The following SERPINA12 variants were observed in gnomAD, a reference collection of about 807,000 sequenced individuals.
The protein encoded by SERPINA12 is serpin family A member 12.
A neutral mutation model predicts 25.9 loss-of-function variants in SERPINA12; 21 were observed. The ratio of observed to expected loss-of-function variants is 0.81; its 90% confidence interval spans 0.58 to 1.17. SERPINA12 has a LOEUF of 1.17. Ranked by LOEUF, SERPINA12 falls within the 50% of genes most tolerant of loss-of-function variation. The pLI is 0.00. For synonymous variants in SERPINA12, 220 were observed against 196.0 expected, an observed-to-expected ratio of 1.12 and a Z score of -1.02; for missense variants, 562 against 508.3, an observed-to-expected ratio of 1.11 and a Z score of -1.02.
chr14:94,517,763 T>C (rs1901272025), exon 1 of SERPINA12: 1 of 152,296 alleles, frequency 6.6e-6, no homozygotes, highest in Admixed American at 6.5e-5. Context: ...CTGTTTTGCT[T>C]CTTGCCATGT....
At chr14:94,489,545 T>C (rs1487700970) in intron 4 of SERPINA12, 75 bp downstream of exon 4, 1 of 1,532,318 alleles carries the variant, frequency 6.5e-7, no homozygotes, top group African/African-American at 1.4e-5. Flanking sequence ...ACAGCCACTG[T>C]GACCCTGGCT....
intron 3 of SERPINA12, among the ~76,000 whole-genome samples, chr14:94,493,371 A>G (rs1034578573): frequency 1.3e-5 from 2 of 152,254 alleles, no homozygotes; most frequent in African/African-American, 4.8e-5. Flanking sequence ...CCAAGGCCAG[A>G]AGTGACTGGG....
chr14:94,508,391 GA>G (rs1431213440), intron 1 of SERPINA12, among the ~76,000 whole-genome samples: 19 of 1,086 alleles, frequency 0.017, no homozygotes, highest in Middle Eastern at 0.17. Context: ...GAGAGAAATA[GA>G]AAATTTAGAA....
intron 1 of SERPINA12, among the ~76,000 whole-genome samples, chr14:94,516,850 G>A (rs756021234): frequency 1.6e-4 from 24 of 152,340 alleles, no homozygotes; most frequent in Non-Finnish European, 3.1e-4. Flanking sequence ...GGTCAGGGTA[G>A]AACAGGTGAT....
chr14:94,491,593 G>A (rs1162902872), intron 3 of SERPINA12, among the ~76,000 whole-genome samples: 1 of 152,064 alleles, frequency 6.6e-6, no homozygotes, highest in African/African-American at 2.4e-5. Flanking sequence ...CAGAGACGGC[G>A]GAAAGATACC....
chr14:94,503,644 A>G (rs139873051), intron 1 of SERPINA12, among the ~76,000 whole-genome samples: 10 of 152,346 alleles, frequency 6.6e-5, no homozygotes, highest in South Asian at 2.1e-4. Flanking sequence ...CCCAGAGTGG[A>G]CAAAGGAAGA....
At chr14:94,512,153 C>T (rs1901127445), upstream of SERPINA12, among the ~76,000 whole-genome samples, 1 of 152,118 alleles carries the variant, frequency 6.6e-6, no homozygotes, top group Non-Finnish European at 1.5e-5. Flanking sequence ...ACACCACTTG[C>T]ACCCACGAGA....
chr14:94,509,868 A>G (rs1901062968), upstream of SERPINA12: 2 of 535,486 alleles, frequency 3.7e-6, no homozygotes, highest in South Asian at 1.6e-4. Context: ...ATCATCTTTG[A>G]GCAGAATCGT....
intron 1 of SERPINA12, among the ~76,000 whole-genome samples, chr14:94,505,538 T>A (rs912129405): frequency 6.6e-6 from 1 of 152,326 alleles, no homozygotes; most frequent in South Asian, 2.1e-4. Flanking sequence ...AAGGACAGGC[T>A]GAGACCAAGG....
At chr14:94,497,485 A>T (rs1302632890) in intron 2 of SERPINA12, among the ~76,000 whole-genome samples, 2 of 152,238 alleles carry the variant, frequency 1.3e-5, no homozygotes, top group Non-Finnish European at 2.9e-5. Flanking sequence ...ACAAAATGTC[A>T]TTCCAACCTC....
chr14:94,502,905 C>G (rs577810173), intron 1 of SERPINA12, among the ~76,000 whole-genome samples: 2 of 152,230 alleles, frequency 1.3e-5, no homozygotes, highest in Non-Finnish European at 2.9e-5. Context: ...AACCCCAGGC[C>G]CTCTGAGATG....
rs775357079 is a variant in SERPINA12, at chr14:94,497,861, G to T, written c.537C>A (p.Asp179Glu). The T allele has an allele frequency of 1.2e-6, 2 of 1,613,996 alleles. No individual in the cohort carries two copies. The highest frequency in any genetic ancestry group is 1.3e-5 in the African/African-American group (1 of 74,906). Reference protein sequence around the residue: ...NLEMAQKQINDFISQKTHGKI... With the variant: ...NLEMAQKQINEFISQKTHGKI... ...TCCCATGGGTTTTTTGACTGATAAAGTCATTGATCTGCTTCTGAGCCATTT... is the reference window on the plus strand; with the variant it reads ...TCCCATGGGTTTTTTGACTGATAAATTCATTGATCTGCTTCTGAGCCATTT... Residue 179 changes from aspartate (D) to glutamate (E), a missense_variant, in exon 2 of 5, where the codon GAC (aspartate) becomes GAA (glutamate). Physicochemically the swap from Asp to Glu is conservative, Grantham distance 45. Coordinates refer to ENST00000677451, the MANE Select transcript of SERPINA12 (RefSeq NM_001382267.1).
chr14:94,492,784 A>G (rs117520362), intron 3 of SERPINA12, among the ~76,000 whole-genome samples: 11,925 of 152,206 alleles, frequency 0.078, 584 homozygotes, highest in Middle Eastern at 0.12. Flanking sequence ...CTGGGAGTGG[A>G]CCCTCGACAC....
At chr14:94,488,876 C>T (rs1286086836) in intron 4 of SERPINA12, among the ~76,000 whole-genome samples, 1 of 152,164 alleles carries the variant, frequency 6.6e-6, no homozygotes, top group African/African-American at 2.4e-5. Context: ...GGGTGGATGA[C>T]CTGAGGTCAG....
At chr14:94,490,619 C>T (rs1200696095) in intron 3 of SERPINA12, among the ~76,000 whole-genome samples, 1 of 152,104 alleles carries the variant, frequency 6.6e-6, no homozygotes, top group African/African-American at 2.4e-5. Flanking sequence ...AGAGATCTCT[C>T]TTGGCCCTGA....
At chr14:94,503,122 T>A (rs1029404639) in intron 1 of SERPINA12, 2 of 878,348 alleles carry the variant, frequency 2.3e-6, no homozygotes, top group Non-Finnish European at 2.7e-6. Flanking sequence ...AGGACTGATA[T>A]TGCTTTAAGA....
rs770806800 is a variant in SERPINA12, at chr14:94,498,240, A to G, written c.158T>C (p.Met53Thr). Residue 53 changes from methionine (M) to threonine (T), a missense_variant, in exon 2 of 5, where the codon ATG (methionine) becomes ACG (threonine). By Grantham distance (81) the Met-to-Thr change is moderately conservative. Transcript: ENST00000677451. ...CTTGAGCAGCTTAAAGCCTAAGTCC[A>G]TGTTCTGCCTTGCAAGCTCCTTGGC... ...MAAKELARQN[M>T]DLGFKLLKKL... The G allele has an allele frequency of 3.7e-6, 6 of 1,614,182 alleles. No homozygotes were observed. Among genetic ancestry groups the G allele is most frequent in the African/African-American group, 1.3e-5 (1 of 75,044 alleles).
At chr14:94,499,410 C>T (rs749506095) in intron 1 of SERPINA12, among the ~76,000 whole-genome samples, 7 of 152,198 alleles carry the variant, frequency 4.6e-5, no homozygotes, top group Non-Finnish European at 1.0e-4. Flanking sequence ...CCCTTAATCT[C>T]CAGCCCTAAT....
chr14:94,490,423 T>C (rs1333547949), intron 3 of SERPINA12, among the ~76,000 whole-genome samples: 1 of 151,990 alleles, frequency 6.6e-6, no homozygotes, highest in Non-Finnish European at 1.5e-5. Flanking sequence ...CAGGCTCTCC[T>C]GAGGTACCTG....
Sources: allele counts gnomAD v4.1 joint callset (sites outside exome capture counted in the v4.1 genomes callset), GRCh38; gene constraint gnomAD v4.1.1; transcripts MANE v1.5; gene names NCBI Gene and HGNC (gene_info 2026-07-23, HGNC 2026-07-21).